The following VAV2 variants were observed in gnomAD, a reference collection of about 807,000 sequenced individuals.
The protein encoded by VAV2 is vav guanine nucleotide exchange factor 2.
VAV2 carries 67 observed loss-of-function variants against 132.5 expected under a neutral mutation model. The ratio of observed to expected loss-of-function variants is 0.51; its 90% confidence interval spans 0.42 to 0.62. The LOEUF is 0.62. VAV2 is among the 20% of genes least tolerant of loss of function. The pLI, the probability that VAV2 is intolerant of heterozygous loss-of-function variation, is 0.00. For synonymous variants in VAV2, 492 were observed against 443.5 expected (o/e 1.11, Z -1.37); for missense variants, 938 against 1,153.6 (o/e 0.81, Z 2.71).
chr9:133,864,373 C>T (rs545188083), intron 2 of VAV2, among the ~76,000 whole-genome samples: 6 of 152,320 alleles, frequency 3.9e-5, no homozygotes, highest in Admixed American at 1.3e-4. Context: ...CATTCACCAA[C>T]GTCCAGGCCT....
chr9:133,808,979 G>A, intron 7 of VAV2, 61 bp downstream of exon 7: 1 of 1,470,058 alleles, frequency 6.8e-7, no homozygotes, highest in African/African-American at 1.4e-5. Context: ...CAGGAGATAG[G>A]TGGCCCTGCA....
rs936509784 is a variant in VAV2, at chr9:133,810,626, C to T, written c.553-421G>A. Reference sequence around the variant, plus strand: ...GACAGCTCGAGACCAGCGGGACCAGCGCTGGGCATGAGGACACTGTGCAGA... The same window carrying T: ...GACAGCTCGAGACCAGCGGGACCAGTGCTGGGCATGAGGACACTGTGCAGA... On this transcript the variant is annotated intron_variant, in intron 5 of 29. Coordinates refer to ENST00000371850, the MANE Select transcript of VAV2 (RefSeq NM_001134398.2). 2.6e-5 allele frequency among the ~76,000 whole-genome samples: 4 copies of T among 152,216 alleles called. No individual in the cohort carries two copies. In the South Asian group the frequency reaches 6.2e-4, roughly 24 times the overall value.
chr9:133,891,931 G>A (rs1474748611), intron 2 of VAV2, among the ~76,000 whole-genome samples: 2 of 138,508 alleles, frequency 1.4e-5, no homozygotes, highest in African/African-American at 2.8e-5. Flanking sequence ...ATGGAGGAGA[G>A]GGGTAAAAGT....
chr9:133,780,082 T>C (rs1833954670), intron 20 of VAV2, 143 bp from the exon 21 acceptor site: 2 of 1,123,460 alleles, frequency 1.8e-6, no homozygotes, highest in East Asian at 2.4e-5. Context: ...AGAGGGACAC[T>C]GTTCCCTATG....
At position 133,847,642 on chromosome 9, in the gene VAV2, C is replaced by T. The variant is rs183093828; in HGVS notation, c.381-13302G>A. 1.3e-3 allele frequency among the ~76,000 whole-genome samples: 194 copies of T among 152,300 alleles called. 1 individual carries two copies. Among genetic ancestry groups the T allele is most frequent in the African/African-American group, 4.5e-3 (188 of 41,566 alleles). ...CTCCCAGGCAGACCCCACTTGAGGA[C>T]GTCAGATAAAGTTCCAGCCCCACGC... is the stretch of plus-strand genomic sequence containing the variant. On this transcript the variant is annotated intron_variant, in intron 3 of 29. Transcript: ENST00000371850.
rs1407147851 is a variant in VAV2, at chr9:133,823,963, ACGG to A, written c.449+10306_449+10308del. 6.6e-6 allele frequency among the ~76,000 whole-genome samples: 1 copy of A among 151,980 alleles called. No homozygotes were observed. The highest frequency in any genetic ancestry group is 2.4e-5 in the African/African-American group (1 of 41,372). On this transcript the variant is annotated intron_variant, in intron 4 of 29. Coordinates refer to ENST00000371850, the MANE Select transcript of VAV2 (RefSeq NM_001134398.2). The surrounding 1 kb of genome is among the most constrained non-coding windows in gnomAD (Gnocchi z 5.5). ...GCGATCTCCCACTGAGAAGGAACAA[ACGG>A]CCTCTCCCTCAGTGGTGGGGGTGGG...
intron 3 of VAV2, among the ~76,000 whole-genome samples, chr9:133,839,451 GTT>G (rs765088441): frequency 3.6e-5 from 5 of 140,458 alleles, no homozygotes; most frequent in African/African-American, 2.6e-5. Flanking sequence ...ATACGAGGAA[GTT>G]TTTTTTTTTT....
intron 3 of VAV2, among the ~76,000 whole-genome samples, chr9:133,843,704 G>C (rs975323932): frequency 2.0e-5 from 3 of 152,256 alleles, no homozygotes; most frequent in Non-Finnish European, 2.9e-5. Context: ...TTAGGGGCTG[G>C]AGCAGGCAGC....
intron 3 of VAV2, among the ~76,000 whole-genome samples, chr9:133,850,221 G>A (rs530095247): frequency 5.9e-5 from 9 of 152,304 alleles, no homozygotes; most frequent in South Asian, 2.1e-4. Flanking sequence ...GATCCCAGCC[G>A]GGCCTCGAAC....
At chr9:133,777,075 G>T (rs1354962837) in intron 23 of VAV2, among the ~76,000 whole-genome samples, 1 of 152,114 alleles carries the variant, frequency 6.6e-6, no homozygotes, top group African/African-American at 2.4e-5. Context: ...TAGAGTCCCC[G>T]AAATCTGGTG....
intron 1 of VAV2, among the ~76,000 whole-genome samples, chr9:133,988,997 G>C (rs1198627219): frequency 6.6e-6 from 1 of 152,100 alleles, no homozygotes; most frequent in Non-Finnish European, 1.5e-5. Context: ...GGATCACAAG[G>C]ACAGGAGTTC....
chr9:133,951,990 A>T (rs2132182861), intron 1 of VAV2, among the ~76,000 whole-genome samples: 1 of 152,242 alleles, frequency 6.6e-6, no homozygotes, highest in South Asian at 2.1e-4. Flanking sequence ...CACAGCAGAG[A>T]TGTACCCTTA....
At chr9:133,790,467 C>T (rs993230375) in intron 13 of VAV2, among the ~76,000 whole-genome samples, 3 of 152,196 alleles carry the variant, frequency 2.0e-5, no homozygotes, top group African/African-American at 4.8e-5. Context: ...ATGACCACCG[C>T]GCCCAGCCTG....
rs138274395 is a variant in VAV2, at chr9:133,787,563, C to T, written c.1408-303G>A. Among the ~76,000 whole-genome samples the T allele has an allele frequency of 8.5e-3, 1,290 of 152,262 alleles. 15 individuals carry two copies. Among genetic ancestry groups the T allele is most frequent in the African/African-American group, 0.029 (1,202 of 41,528 alleles). ...GTCTGGACGAGGGCTACACTGCCAG[C>T]CCTGGAGGCCAGGGACTGGACTTTC... On this transcript the variant is annotated intron_variant, in intron 15 of 29. Coordinates refer to ENST00000371850, the MANE Select transcript of VAV2 (RefSeq NM_001134398.2).
In VAV2 at chr9:133,849,020, G is replaced by A. The variant is rs866446126; in HGVS notation, c.380+12354C>T. Among the ~76,000 whole-genome samples the A allele has an allele frequency of 4.6e-5, 7 of 152,202 alleles. No homozygotes were observed. The South Asian group carries it at 6.2e-4, about 14-fold the overall frequency. On this transcript the variant is annotated intron_variant, in intron 3 of 29. Transcript: ENST00000371850. ...TTTTCTTCTCAGTCTCTGAAAATGA[G>A]CCGATAATGTTACCCAGCTGCGCAG...
At chr9:133,939,376 T>G (rs1195765369) in intron 1 of VAV2, 157 bp from the exon 2 acceptor site, 2 of 714,532 alleles carry the variant, frequency 2.8e-6, no homozygotes, top group East Asian at 5.0e-5. Context: ...CTCAGAGAGA[T>G]GACGAAACCC....
At chr9:133,843,220 G>A (rs962707169) in intron 3 of VAV2, among the ~76,000 whole-genome samples, 10 of 152,166 alleles carry the variant, frequency 6.6e-5, no homozygotes, top group African/African-American at 9.7e-5. Flanking sequence ...GCACAGGGCC[G>A]AGGGGTGCAG....
chr9:133,940,668 C>CATGCGTGTGTGT (rs1168466104), intron 1 of VAV2, among the ~76,000 whole-genome samples: 49 of 58,832 alleles, frequency 8.3e-4, no homozygotes, highest in Non-Finnish European at 9.7e-4. Context: ...TCTCTGTCCA[C>CATGCGTGTGTGT]GTGCGTGTGT....
intron 2 of VAV2, among the ~76,000 whole-genome samples, chr9:133,897,780 T>C (rs1211567211): frequency 6.6e-6 from 1 of 152,102 alleles, no homozygotes; most frequent in African/African-American, 2.4e-5. Context: ...ATGCCTGAAA[T>C]GTCTGTATTT....
Sources: gnomAD v4.1 joint callset for allele counts (sites outside exome capture counted in the v4.1 genomes callset) on GRCh38, gnomAD v4.1.1 for gene constraint, Gnocchi (gnomAD v3.1) non-coding constraint, MANE v1.5 for transcripts, NCBI Gene and HGNC (gene_info 2026-07-23, HGNC 2026-07-21) for gene names.